SMYD3: variants seen among roughly 807,000 people sequenced by gnomAD.
SMYD3 encodes histone-lysine N-methyltransferase SMYD3.
Under a neutral mutation model 57.7 loss-of-function variants are expected in SMYD3, and 36 were observed. The ratio of observed to expected loss-of-function variants is 0.62; its 90% CI spans 0.48 to 0.82. SMYD3 has a LOEUF of 0.82. SMYD3 is among the 40% of genes least tolerant of loss of function. The pLI is 0.00. For synonymous variants in SMYD3, 211 were observed against 195.0 expected (o/e 1.08, Z -0.68); for missense variants, 515 against 538.8 (o/e 0.96, Z 0.44).
At chr1:246,312,390 A>T (rs2065094557) in intron 5 of SMYD3, among the ~76,000 whole-genome samples, 2 of 152,160 alleles carry the variant, frequency 1.3e-5, no homozygotes. Flanking sequence ...GTGAGATCGG[A>T]AGGATTTTAA....
intron 5 of SMYD3, among the ~76,000 whole-genome samples, chr1:245,968,809 G>A (rs573033294): frequency 9.0e-4 from 137 of 152,234 alleles, no homozygotes; most frequent in African/African-American, 2.9e-3. Flanking sequence ...TCTTTCCCGC[G>A]TTGTAAATTT....
intron 10 of SMYD3, among the ~76,000 whole-genome samples, chr1:245,827,699 G>A (rs1042549629): frequency 6.6e-6 from 1 of 152,184 alleles, no homozygotes; most frequent in Non-Finnish European, 1.5e-5. Flanking sequence ...ATTTGGCAGG[G>A]CACTTGATGA....
intron 5 of SMYD3, among the ~76,000 whole-genome samples, chr1:245,954,598 C>T (rs910388163): frequency 1.3e-5 from 2 of 152,068 alleles, no homozygotes; most frequent in Non-Finnish European, 2.9e-5. Context: ...CTCGCTTGAG[C>T]CCCCAGGAAG....
chr1:246,331,747 A>G (rs1385270232), intron 3 of SMYD3, among the ~76,000 whole-genome samples: 2 of 152,202 alleles, frequency 1.3e-5, no homozygotes, highest in African/African-American at 4.8e-5. Context: ...GTCTGTCCAT[A>G]CCATTTTTCT....
At chr1:246,505,864 G>T (rs2068529449) in intron 1 of SMYD3, among the ~76,000 whole-genome samples, 1 of 152,118 alleles carries the variant, frequency 6.6e-6, no homozygotes, top group African/African-American at 2.4e-5. Flanking sequence ...TCTGTTCCAA[G>T]AACTATCTTG....
intron 5 of SMYD3, among the ~76,000 whole-genome samples, chr1:246,229,312 G>A (rs956664167): frequency 4.6e-5 from 7 of 151,958 alleles, no homozygotes; most frequent in African/African-American, 1.2e-4. Flanking sequence ...AAAAAAAAGG[G>A]ATTAGTGTCT....
chr1:246,293,659 G>C (rs2064738545), intron 5 of SMYD3, among the ~76,000 whole-genome samples: 1 of 151,870 alleles, frequency 6.6e-6, no homozygotes, highest in African/African-American at 2.4e-5. Flanking sequence ...TAATTCCTTT[G>C]CTCTCACCTT....
chr1:246,003,459 T>C (rs866526615), intron 5 of SMYD3, among the ~76,000 whole-genome samples: 19 of 152,228 alleles, frequency 1.2e-4, no homozygotes, highest in Admixed American at 7.8e-4. Flanking sequence ...CAGCTGAAGT[T>C]CACACATTGT....
intron 5 of SMYD3, among the ~76,000 whole-genome samples, chr1:246,141,305 G>C (rs2061752048): frequency 6.6e-6 from 1 of 152,206 alleles, no homozygotes; most frequent in Non-Finnish European, 1.5e-5. Flanking sequence ...CTCTGCAAAA[G>C]ATCTAGCAGG....
intron 10 of SMYD3, among the ~76,000 whole-genome samples, chr1:245,806,928 A>T (rs2048204192): frequency 6.9e-6 from 1 of 145,630 alleles, no homozygotes; most frequent in African/African-American, 2.5e-5. Flanking sequence ...AAAAAAAAAA[A>T]AAAAAAAAAA....
intron 5 of SMYD3, among the ~76,000 whole-genome samples, chr1:245,987,633 T>C (rs2058729440): frequency 6.6e-6 from 1 of 152,226 alleles, no homozygotes; most frequent in African/African-American, 2.4e-5. Context: ...TCCCACTTTA[T>C]AAATATGAAA....
At chr1:245,940,939 T>C (rs1053579255) in intron 5 of SMYD3, among the ~76,000 whole-genome samples, 1 of 152,172 alleles carries the variant, frequency 6.6e-6, no homozygotes, top group Admixed American at 6.5e-5. Context: ...ACAGGAGCTA[T>C]TAAGCAGAAT....
At chr1:246,251,756 G>T (rs71533469) in intron 5 of SMYD3, among the ~76,000 whole-genome samples, 5 of 2,384 alleles carry the variant, frequency 2.1e-3, no homozygotes, top group African/African-American at 2.1e-3. Flanking sequence ...AGTAGGTGCC[G>T]CGGACACTGT....
intron 5 of SMYD3, among the ~76,000 whole-genome samples, chr1:246,086,550 T>A (rs1230145106): frequency 6.6e-6 from 1 of 151,956 alleles, no homozygotes; most frequent in Non-Finnish European, 1.5e-5. Flanking sequence ...ACTAAGTACT[T>A]GATGCTTTTT....
intron 5 of SMYD3, among the ~76,000 whole-genome samples, chr1:246,324,399 G>A (rs1163524412): frequency 8.5e-6 from 1 of 118,176 alleles, no homozygotes; most frequent in Non-Finnish European, 1.6e-5. Flanking sequence ...TGGGCGACAA[G>A]AGCGAAAACT....
At chr1:245,844,437 G>T (rs10754478) in intron 10 of SMYD3, among the ~76,000 whole-genome samples, 1 of 152,222 alleles carries the variant, frequency 6.6e-6, no homozygotes, top group Admixed American at 6.5e-5. Context: ...TTGTATGAAC[G>T]AAGAAATCCA....
intron 8 of SMYD3, among the ~76,000 whole-genome samples, chr1:245,886,684 G>C (rs2053102200): frequency 6.6e-6 from 1 of 152,114 alleles, no homozygotes; most frequent in African/African-American, 2.4e-5. Context: ...CTCTTCTTCT[G>C]GGTGTAATGA....
chr1:245,880,435 G>A (rs1256820248), intron 8 of SMYD3, among the ~76,000 whole-genome samples: 2 of 152,160 alleles, frequency 1.3e-5, no homozygotes, highest in Admixed American at 6.5e-5. Context: ...TCACTCCTTG[G>A]TAGGAATCAT....
intron 1 of SMYD3, among the ~76,000 whole-genome samples, chr1:246,482,436 A>AG (rs1327771894): frequency 6.6e-6 from 1 of 150,716 alleles, no homozygotes; most frequent in Non-Finnish European, 1.5e-5. Context: ...TGTGGCACAA[A>AG]GTGGTATTAC....
Sources: gnomAD v4.1 joint callset for allele counts (sites outside exome capture counted in the v4.1 genomes callset) on GRCh38, gnomAD v4.1.1 for gene constraint, MANE v1.5 for transcripts, NCBI Gene and HGNC (gene_info 2026-07-23, HGNC 2026-07-21) for gene names.